PCSK5: variants seen among roughly 807,000 people sequenced by gnomAD.
The protein encoded by PCSK5 is prohormone convertase 5.
Under a neutral mutation model 233.2 loss-of-function variants are expected in PCSK5, and 129 were observed. That is an observed-to-expected ratio of 0.55 (90% CI 0.48 to 0.64). The LOEUF is 0.64. PCSK5 is among the 30% of genes least tolerant of loss of function. The probability of loss-of-function intolerance (pLI) is 0.00; values close to 1 mark genes in which losing one functional copy is unlikely to be tolerated. For missense variants in PCSK5, 2,076 were observed against 2,430.1 expected (o/e 0.85, Z 3.06); for synonymous variants, 825 against 879.2 (o/e 0.94, Z 1.09).
At chr9:76,206,673 G>A (rs1437991047) in intron 20 of PCSK5, among the ~76,000 whole-genome samples, 2 of 152,206 alleles carry the variant, frequency 1.3e-5, no homozygotes, top group Admixed American at 1.3e-4. Context: ...GAAGAATGGT[G>A]TTTCACATAG....
intron 20 of PCSK5, chr9:76,194,939 A>G (rs995763856): frequency 5.3e-6 from 1 of 188,190 alleles, no homozygotes; most frequent in Non-Finnish European, 1.2e-5. Context: ...AGAGCTAGGA[A>G]GTAGATGCTG....
intron 20 of PCSK5, among the ~76,000 whole-genome samples, chr9:76,219,461 A>G (rs1825651120): frequency 6.6e-6 from 1 of 152,188 alleles, no homozygotes; most frequent in Non-Finnish European, 1.5e-5. Context: ...TGTTTCAGGA[A>G]TTAAAAGCTG....
chr9:76,040,381 C>CTGTCTT (rs1829060088), intron 5 of PCSK5, among the ~76,000 whole-genome samples: 1 of 59,532 alleles, frequency 1.7e-5, no homozygotes, highest in Non-Finnish European at 3.0e-5. Context: ...CTCTCTCTCT[C>CTGTCTT]TCTGTCTCTC....
At chr9:76,297,503 C>T (rs1348845209) in intron 27 of PCSK5, among the ~76,000 whole-genome samples, 1 of 152,126 alleles carries the variant, frequency 6.6e-6, no homozygotes, top group Non-Finnish European at 1.5e-5. Context: ...CAAAGCCCTG[C>T]AGGTGCTCAT....
intron 7 of PCSK5, among the ~76,000 whole-genome samples, chr9:76,087,053 TC>T (rs1831092558): frequency 6.6e-6 from 1 of 152,254 alleles, no homozygotes; most frequent in East Asian, 1.9e-4. Context: ...CTGATTTTCT[TC>T]TTCCAGTTAT....
rs1564081406 is a variant in PCSK5, at chr9:76,175,280, TC to T, written c.1900+152del. ...TGGAATGGAATGGAATGGAATCGAA[TC>T]GAATCGAATCGAATAGAATAGAATA... On this transcript the variant is annotated intron_variant, in intron 14 of 37. Transcript: ENST00000674117. 2.0e-5 allele frequency: 12 copies of T among 593,280 alleles called. No homozygotes were observed. In the East Asian group the frequency reaches 3.4e-4, roughly 17 times the overall value. The allele number at this position is 593,280 out of a possible 1,614,324, so 36.8% of individuals were successfully genotyped here.
At chr9:76,221,474 T>C (rs1328769733) in intron 20 of PCSK5, among the ~76,000 whole-genome samples, 2 of 152,336 alleles carry the variant, frequency 1.3e-5, no homozygotes, top group East Asian at 1.9e-4. Context: ...TTATGCAAGA[T>C]TTTTTAATCT....
chr9:76,239,695 C>CAA (rs61703191), intron 23 of PCSK5, among the ~76,000 whole-genome samples: 4 of 111,142 alleles, frequency 3.6e-5, no homozygotes, highest in East Asian at 2.5e-4. Context: ...GACTCCATCT[C>CAA]AAAAAAAAAA....
Position 76,293,412 on chromosome 9 carries a change from C to T in PCSK5, c.3185+1137C>T, listed in dbSNP as rs114491886. On this transcript the variant is annotated intron_variant, in intron 25 of 37. Coordinates refer to ENST00000674117, the MANE Select transcript of PCSK5 (RefSeq NM_001372043.1). The stretch of plus-strand genomic sequence containing the variant: ...CATTCTCTACATTGACTATGTCTCA[C>T]ATCACTGCACTCCTGACCCACTTTG... 5.4e-3 allele frequency among the ~76,000 whole-genome samples: 828 copies of T among 152,298 alleles called. 6 individuals are homozygous for T. Among genetic ancestry groups the T allele is most frequent in the African/African-American group, 0.019 (795 of 41,552 alleles).
At chr9:76,172,716 C>T (rs1823381404) in intron 13 of PCSK5, among the ~76,000 whole-genome samples, 2 of 152,214 alleles carry the variant, frequency 1.3e-5, no homozygotes, top group Non-Finnish European at 2.9e-5. Flanking sequence ...AAAATGCGTT[C>T]TCTTTTGCAC....
At chr9:76,108,041 T>C (rs942131013) in intron 9 of PCSK5, among the ~76,000 whole-genome samples, 1 of 152,236 alleles carries the variant, frequency 6.6e-6, no homozygotes, top group African/African-American at 2.4e-5. Context: ...AATTTAACAC[T>C]AGAATTCATT....
chr9:76,318,744 G>A (rs1325170236), intron 30 of PCSK5, among the ~76,000 whole-genome samples: 1 of 152,176 alleles, frequency 6.6e-6, no homozygotes, highest in Non-Finnish European at 1.5e-5. Flanking sequence ...TCAGAGGTTG[G>A]TTGACAGCAT....
At chr9:76,201,258 T>C (rs1824904166) in intron 20 of PCSK5, among the ~76,000 whole-genome samples, 1 of 152,208 alleles carries the variant, frequency 6.6e-6, no homozygotes, top group South Asian at 2.1e-4. Context: ...AAAAACATGA[T>C]GTGCTAGCAC....
chr9:76,209,963 GAAGA>G (rs914023472), intron 20 of PCSK5, among the ~76,000 whole-genome samples: 5 of 152,154 alleles, frequency 3.3e-5, no homozygotes, highest in African/African-American at 7.2e-5. Context: ...TTTGCTGGAA[GAAGA>G]AAGAAAGGAG....
intron 1 of PCSK5, among the ~76,000 whole-genome samples, chr9:75,908,509 G>A (rs777582983): frequency 4.6e-5 from 7 of 152,092 alleles, no homozygotes; most frequent in Non-Finnish European, 8.8e-5. Context: ...AAAAAGAATT[G>A]CTTCTTCCTC....
At chr9:76,022,293 C>T (rs922383427) in intron 3 of PCSK5, among the ~76,000 whole-genome samples, 1 of 152,174 alleles carries the variant, frequency 6.6e-6, no homozygotes, top group Non-Finnish European at 1.5e-5. Flanking sequence ...AAATTCAAGC[C>T]AGGTAACTGA....
In PCSK5 at chr9:75,938,108, A is replaced by G. The variant is rs111287277; in HGVS notation, c.297+5625A>G. Among the ~76,000 whole-genome samples the G allele has an allele frequency of 6.7e-3, 1,018 of 152,238 alleles. 6 individuals carry two copies. Among genetic ancestry groups the G allele is most frequent in the Non-Finnish European group, 0.011 (737 of 68,014 alleles). On this transcript the variant is annotated intron_variant, in intron 2 of 37. Coordinates refer to ENST00000674117, the MANE Select transcript of PCSK5 (RefSeq NM_001372043.1). ...CAGTCACAGCTTGGCTGTTTGGCTC[A>G]AGAGGCCTGGGTTTCTGCCTATGCT...
intron 9 of PCSK5, among the ~76,000 whole-genome samples, chr9:76,132,170 C>CA (rs1303820243): frequency 6.6e-6 from 1 of 152,052 alleles, no homozygotes; most frequent in African/African-American, 2.4e-5. Context: ...ATTTCCGTGA[C>CA]AGTAGTGCAT....
At chr9:76,046,732 T>C (rs1202983030) in intron 5 of PCSK5, among the ~76,000 whole-genome samples, 2 of 151,242 alleles carry the variant, frequency 1.3e-5, no homozygotes, top group Non-Finnish European at 2.9e-5. Context: ...GGCCAATTTT[T>C]TGTATTTTTA....
Sources: allele counts gnomAD v4.1 joint callset (sites outside exome capture counted in the v4.1 genomes callset), GRCh38; gene constraint gnomAD v4.1.1; transcripts MANE v1.5; gene names NCBI Gene and HGNC (gene_info 2026-07-23, HGNC 2026-07-21).